Variants in GRIA1 observed in about 807,000 individuals in gnomAD.
GRIA1 encodes the protein glutamate receptor 1.
GRIA1 carries 31 observed loss-of-function variants against 99.2 expected under a neutral mutation model. The ratio of observed to expected loss-of-function variants is 0.31; its 90% CI spans 0.23 to 0.42. The LOEUF (loss-of-function observed/expected upper bound fraction) is 0.42. Ranked by LOEUF, GRIA1 falls within the 10% of genes least tolerant of loss-of-function variation. GRIA1 has a pLI of 1.00. For synonymous variants in GRIA1, 438 were observed against 432.4 expected (o/e 1.01, Z -0.16); for missense variants, 782 against 1,157.5 (o/e 0.68, Z 4.71).
chr5:153,615,365 G>A (rs748889524), intron 2 of GRIA1, among the ~76,000 whole-genome samples: 34 of 152,276 alleles, frequency 2.2e-4, no homozygotes, highest in Admixed American at 5.2e-4. Flanking sequence ...CTGCTAGCTG[G>A]GCATGGTGGC....
intron 2 of GRIA1, among the ~76,000 whole-genome samples, chr5:153,601,560 A>T (rs1387086193): frequency 6.6e-6 from 1 of 152,244 alleles, no homozygotes; most frequent in Non-Finnish European, 1.5e-5. Flanking sequence ...CAAAAGTGAA[A>T]ATTAAATCAG....
chr5:153,592,740 A>G lies in GRIA1; in HGVS notation c.221-54188A>G, dbSNP rs192412608. Among the ~76,000 whole-genome samples, 141 of 152,278 alleles carry G rather than the reference A, an allele frequency of 9.3e-4. No homozygotes were observed. In the South Asian group the frequency reaches 0.012, roughly 13 times the overall value. ...GGTTTGGGCTGCTATAACAAATACT[A>G]TAGACTGGGTGGCTTAAACAAAAGA... On this transcript the variant is annotated intron_variant, in intron 2 of 15. Coordinates refer to ENST00000285900, the MANE Select transcript of GRIA1 (RefSeq NM_000827.4).
intron 13 of GRIA1, among the ~76,000 whole-genome samples, chr5:153,772,382 A>G (rs1276185687): frequency 6.6e-6 from 1 of 152,196 alleles, no homozygotes; most frequent in Non-Finnish European, 1.5e-5. Context: ...GCAAGAAATC[A>G]TTGCACAGTC....
chr5:153,669,911 T>C (rs1412695591), intron 5 of GRIA1, among the ~76,000 whole-genome samples: 3 of 152,196 alleles, frequency 2.0e-5, no homozygotes, highest in Non-Finnish European at 4.4e-5. Flanking sequence ...CTATATGCTA[T>C]TATTTGGAAT....
At position 153,698,965 on chromosome 5, in the gene GRIA1, G is replaced by A. The variant is rs1286584104; in HGVS notation, c.1344G>A (p.Lys448=). Residue 448 remains lysine (K), a synonymous_variant, in exon 10 of 16, where the codon AAG becomes AAA. Transcript: ENST00000285900. ...TAGAGCTGGCGGCAGAGATTGCCAA[G>A]CACGTGGGCTACTCCTACCGTCTGG... ...YCVELAAEIA[K]HVGYSYRLEI... The A allele has an allele frequency of 2.5e-6, 4 of 1,612,742 alleles. No homozygotes were observed. In the African/African-American group the frequency reaches 4.0e-5, roughly 16 times the overall value.
intron 2 of GRIA1, among the ~76,000 whole-genome samples, chr5:153,594,232 C>T (rs539401678): frequency 3.3e-5 from 5 of 152,278 alleles, no homozygotes; most frequent in African/African-American, 1.2e-4. Flanking sequence ...GAAAGACATT[C>T]TGTAAGCTTT....
At chr5:153,498,387 T>C (rs1030701570) in intron 2 of GRIA1, among the ~76,000 whole-genome samples, 2 of 152,232 alleles carry the variant, frequency 1.3e-5, no homozygotes, top group African/African-American at 2.4e-5. Flanking sequence ...AGAAAGACCA[T>C]GTATATCTAT....
chr5:153,676,629 G>T (rs1756605548), intron 6 of GRIA1, among the ~76,000 whole-genome samples: 2 of 152,170 alleles, frequency 1.3e-5, no homozygotes, highest in South Asian at 4.1e-4. Flanking sequence ...CCAGCCTGCA[G>T]ATGTGTTATA....
At chr5:153,713,698 T>G (rs1201983844) in intron 11 of GRIA1, among the ~76,000 whole-genome samples, 1 of 152,234 alleles carries the variant, frequency 6.6e-6, no homozygotes, top group Non-Finnish European at 1.5e-5. Context: ...GGGGGAAGCA[T>G]AATTGCTGTC....
intron 5 of GRIA1, among the ~76,000 whole-genome samples, chr5:153,658,794 T>C (rs62384413): frequency 1.6e-4 from 25 of 152,170 alleles, no homozygotes; most frequent in Non-Finnish European, 3.4e-4. Context: ...TTTACAGTTC[T>C]TTCTGTCCCT....
chr5:153,630,008 T>C (rs1380633200), intron 2 of GRIA1, among the ~76,000 whole-genome samples: 4 of 152,202 alleles, frequency 2.6e-5, no homozygotes, highest in African/African-American at 9.7e-5. Context: ...TGATAAGGAC[T>C]CATGTGGAAT....
intron 14 of GRIA1, among the ~76,000 whole-genome samples, chr5:153,799,476 A>G (rs1168920931): frequency 6.6e-6 from 1 of 152,216 alleles, no homozygotes. Context: ...GAATCAGAAC[A>G]TTTTGTGTAA....
At chr5:153,777,288 G>A (rs895640367) in intron 13 of GRIA1, among the ~76,000 whole-genome samples, 7 of 152,128 alleles carry the variant, frequency 4.6e-5, no homozygotes, top group African/African-American at 1.4e-4. Flanking sequence ...TGAGGAGGAG[G>A]CCCTGAAGGA....
chr5:153,492,077 C>A, intron 1 of GRIA1: 2 of 1,333,648 alleles, frequency 1.5e-6, no homozygotes, highest in Non-Finnish European at 2.0e-6. Context: ...GGTTTCTAGT[C>A]TCTCTCCCCT....
At chr5:153,613,152 T>C (rs1314115675) in intron 2 of GRIA1, among the ~76,000 whole-genome samples, 1 of 152,174 alleles carries the variant, frequency 6.6e-6, no homozygotes, top group Non-Finnish European at 1.5e-5. Flanking sequence ...GGGAGTACTT[T>C]CTCAGTCACT....
At chr5:153,625,040 C>T (rs1767459054) in intron 2 of GRIA1, among the ~76,000 whole-genome samples, 1 of 152,156 alleles carries the variant, frequency 6.6e-6, no homozygotes, top group Non-Finnish European at 1.5e-5. Flanking sequence ...GATGCCTTGG[C>T]TATACAATTC....
At position 153,650,453 on chromosome 5, in the gene GRIA1, A is replaced by G. The variant is rs767563954; in HGVS notation, c.584A>G (p.Lys195Arg). The change falls in exon 4 of 16, where the codon AAA becomes AGA. Residue 195 changes from lysine (K) to arginine (R), a missense_variant. By Grantham distance (26) the Lys-to-Arg change is conservative (BLOSUM62 2). This residue lies in a region of GRIA1 where 461 missense variants were observed against 521.7 expected (regional missense o/e 0.88). Coordinates refer to ENST00000285900, the MANE Select transcript of GRIA1 (RefSeq NM_000827.4). ...YRMLFQDLEK[K>R]KERLVVVDCE... ...ATGCTCTTTCAGGACCTGGAGAAGAAAAAGGAGCGGCTGGTGGTGGTGGAC... is the reference window on the plus strand; with the variant it reads ...ATGCTCTTTCAGGACCTGGAGAAGAGAAAGGAGCGGCTGGTGGTGGTGGAC... 1.9e-6 allele frequency: 3 copies of G among 1,614,030 alleles called. No homozygotes were observed. The highest frequency in any genetic ancestry group is 4.5e-5 in the East Asian group (2 of 44,870).
intron 2 of GRIA1, among the ~76,000 whole-genome samples, chr5:153,562,989 A>G (rs2149354183): frequency 6.6e-6 from 1 of 152,114 alleles, no homozygotes; most frequent in South Asian, 2.1e-4. Context: ...CATCCCGGCC[A>G]ACATGGTGAA....
chr5:153,650,616 T>C (rs1339036470), intron 4 of GRIA1, 102 bp downstream of exon 4: 5 of 1,110,326 alleles, frequency 4.5e-6, no homozygotes, highest in African/African-American at 1.6e-5. Context: ...ATAAAGAGGG[T>C]TCTTGACTAG....
Sources: allele counts gnomAD v4.1 joint callset (sites outside exome capture counted in the v4.1 genomes callset), GRCh38; gene constraint gnomAD v4.1.1; regional missense constraint gnomAD v4.1.1; transcripts MANE v1.5; gene names NCBI Gene and HGNC (gene_info 2026-07-23, HGNC 2026-07-21).